ZNF385B: variants seen among roughly 807,000 people sequenced by gnomAD.
ZNF385B encodes the protein zinc finger protein 533.
ZNF385B carries 23 observed loss-of-function variants against 39.2 expected under a neutral mutation model. The ratio of observed to expected loss-of-function variants is 0.59; its 90% CI spans 0.42 to 0.83. The LOEUF is 0.83. Among genes scored for constraint, ZNF385B ranks in the 40% least tolerant of loss-of-function variants. ZNF385B has a pLI of 0.00. For synonymous variants in ZNF385B, 205 were observed against 222.6 expected (o/e 0.92, Z 0.70); for missense variants, 552 against 598.9 (o/e 0.92, Z 0.82).
chr2:179,808,394 A>G (rs1168658900), intron 1 of ZNF385B, among the ~76,000 whole-genome samples: 2 of 152,212 alleles, frequency 1.3e-5, no homozygotes, highest in Non-Finnish European at 2.9e-5. Context: ...GAGATGGTAC[A>G]CACTAAATTC....
At chr2:179,715,898 T>C (rs980382327) in intron 3 of ZNF385B, among the ~76,000 whole-genome samples, 10 of 152,204 alleles carry the variant, frequency 6.6e-5, no homozygotes, top group African/African-American at 2.4e-4. Flanking sequence ...TATTCTTCCT[T>C]TCATTAAAAA....
At chr2:179,736,475 T>G (rs1701764258) in intron 3 of ZNF385B, among the ~76,000 whole-genome samples, 1 of 152,206 alleles carries the variant, frequency 6.6e-6, no homozygotes, top group African/African-American at 2.4e-5. Flanking sequence ...TGCTATGTCA[T>G]GCTAAAGAAG....
chr2:179,701,898 G>A (rs1442778292), intron 3 of ZNF385B, among the ~76,000 whole-genome samples: 1 of 152,160 alleles, frequency 6.6e-6, no homozygotes, highest in East Asian at 1.9e-4. Flanking sequence ...CCGTGGAAAG[G>A]AATGGGCACC....
At chr2:179,722,792 G>A (rs1309876147) in intron 3 of ZNF385B, among the ~76,000 whole-genome samples, 2 of 151,994 alleles carry the variant, frequency 1.3e-5, no homozygotes, top group Admixed American at 6.6e-5. Flanking sequence ...GCCATTCCAC[G>A]TGAGAATTTA....
intron 6 of ZNF385B, among the ~76,000 whole-genome samples, chr2:179,458,477 T>C (rs1320482609): frequency 6.6e-6 from 1 of 152,198 alleles, no homozygotes; most frequent in African/African-American, 2.4e-5. Context: ...ATACAGAATA[T>C]TACAGGCACG....
intron 1 of ZNF385B, among the ~76,000 whole-genome samples, chr2:179,787,074 T>A (rs1017029440): frequency 2.0e-5 from 3 of 151,746 alleles, no homozygotes; most frequent in African/African-American, 7.3e-5. Context: ...ATGACCTTTG[T>A]TTTTTTCCCC....
intron 1 of ZNF385B, among the ~76,000 whole-genome samples, chr2:179,825,018 A>G (rs180794178): frequency 6.6e-6 from 1 of 152,334 alleles, no homozygotes; most frequent in Admixed American, 6.5e-5. Flanking sequence ...ATGTTGTAAG[A>G]AACACAGCAC....
intron 3 of ZNF385B, among the ~76,000 whole-genome samples, chr2:179,634,274 G>C (rs1254654833): frequency 2.6e-5 from 4 of 152,048 alleles, no homozygotes. Flanking sequence ...GCAACCTACA[G>C]AATGGGAGAA....
chr2:179,496,053 T>A (rs1307218044), intron 5 of ZNF385B, among the ~76,000 whole-genome samples: 1 of 152,184 alleles, frequency 6.6e-6, no homozygotes, highest in East Asian at 1.9e-4. Flanking sequence ...GAATTGTAAC[T>A]GTGTTGAGGA....
intron 1 of ZNF385B, among the ~76,000 whole-genome samples, chr2:179,801,908 T>C (rs1004128700): frequency 3.9e-5 from 6 of 152,142 alleles, no homozygotes; most frequent in African/African-American, 1.4e-4. Context: ...AAGAAATTGC[T>C]ATGAAATACT....
intron 3 of ZNF385B, among the ~76,000 whole-genome samples, chr2:179,694,586 A>C (rs373455663): frequency 1.3e-5 from 2 of 152,194 alleles, no homozygotes; most frequent in Non-Finnish European, 2.9e-5. Context: ...TCTAGGAATA[A>C]AAAAGGGATT....
At chr2:179,750,446 A>T (rs1702605619) in intron 3 of ZNF385B, among the ~76,000 whole-genome samples, 1 of 152,170 alleles carries the variant, frequency 6.6e-6, no homozygotes. Flanking sequence ...GACTTAGAAA[A>T]GTATATCAGT....
intron 3 of ZNF385B, among the ~76,000 whole-genome samples, chr2:179,579,947 T>C (rs1280872073): frequency 3.3e-5 from 5 of 152,156 alleles, no homozygotes; most frequent in Admixed American, 2.0e-4. Flanking sequence ...AGAACTTGGA[T>C]TGAAACCAAA....
chr2:179,665,559 T>C (rs1459809405), intron 3 of ZNF385B, among the ~76,000 whole-genome samples: 1 of 152,242 alleles, frequency 6.6e-6, no homozygotes, highest in Admixed American at 6.5e-5. Flanking sequence ...AAACTATTTA[T>C]TCTCTATCAG....
chr2:179,460,579 C>T (rs1350940839), intron 6 of ZNF385B, among the ~76,000 whole-genome samples: 2 of 152,202 alleles, frequency 1.3e-5, no homozygotes, highest in African/African-American at 4.8e-5. Flanking sequence ...CCAGAAGTTA[C>T]AAGATTTGTG....
chr2:179,521,353 GT>G (rs56392185), intron 4 of ZNF385B, among the ~76,000 whole-genome samples: 14 of 108,166 alleles, frequency 1.3e-4, no homozygotes, highest in Middle Eastern at 6.0e-3. Context: ...CACCTGGCCA[GT>G]TTTTTTTTTT....
At chr2:179,485,310 T>G (rs886960646) in intron 5 of ZNF385B, among the ~76,000 whole-genome samples, 2 of 152,208 alleles carry the variant, frequency 1.3e-5, no homozygotes, top group African/African-American at 4.8e-5. Context: ...AGTGGAACCA[T>G]TTCACTACTA....
At chr2:179,808,695 T>G (rs1706548187) in intron 1 of ZNF385B, among the ~76,000 whole-genome samples, 2 of 152,232 alleles carry the variant, frequency 1.3e-5, no homozygotes, top group African/African-American at 4.8e-5. Context: ...AGACCTTTTT[T>G]GAGAAACATT....
chr2:179,788,197 A>T (rs775339712), intron 1 of ZNF385B, among the ~76,000 whole-genome samples: 2 of 152,138 alleles, frequency 1.3e-5, no homozygotes, highest in East Asian at 3.8e-4. Context: ...ATGTACACAC[A>T]TGCGTGCACA....
Sources: gnomAD v4.1 joint callset for allele counts (sites outside exome capture counted in the v4.1 genomes callset) on GRCh38, gnomAD v4.1.1 for gene constraint, MANE v1.5 for transcripts, NCBI Gene and HGNC (gene_info 2026-07-23, HGNC 2026-07-21) for gene names.